SYNPR: variants seen among roughly 807,000 people sequenced by gnomAD.
SYNPR encodes the protein synaptoporin.
In SYNPR, 23 loss-of-function variants were observed where a neutral mutation model predicts 32.9. That is an observed-to-expected ratio of 0.70 (90% CI 0.50 to 0.99). SYNPR has a LOEUF of 0.99. SYNPR is among the 50% of genes least tolerant of loss of function. The pLI is 0.00. For missense variants in SYNPR, 318 were observed against 349.3 expected (o/e 0.91, Z 0.71); for synonymous variants, 146 against 135.9 (o/e 1.07, Z -0.52).
At chr3:63,245,930 GTATATTT>G (rs2086284299) in intron 1 of SYNPR, among the ~76,000 whole-genome samples, 1 of 151,932 alleles carries the variant, frequency 6.6e-6, no homozygotes. Context: ...TAATTATCCT[GTATATTT>G]CAGAAACACT....
At chr3:63,420,787 G>C (rs922933211) in intron 2 of SYNPR, among the ~76,000 whole-genome samples, 1 of 152,100 alleles carries the variant, frequency 6.6e-6, no homozygotes, top group Admixed American at 6.6e-5. Flanking sequence ...AATGGGCAAA[G>C]GAGTTGTATT....
intron 2 of SYNPR, among the ~76,000 whole-genome samples, chr3:63,454,297 C>T (rs926919974): frequency 1.3e-5 from 2 of 152,000 alleles, no homozygotes; most frequent in Admixed American, 1.3e-4. Context: ...TTGGAAATAA[C>T]TATGTTTACC....
chr3:63,264,926 T>TGGGGGG (rs34138232), intron 2 of SYNPR, among the ~76,000 whole-genome samples: 4 of 151,186 alleles, frequency 2.6e-5, no homozygotes, highest in African/African-American at 9.8e-5. Flanking sequence ...CTCAGAATCA[T>TGGGGGG]GGGGGAGCCA....
At chr3:63,470,508 T>C (rs554254394) in intron 2 of SYNPR, among the ~76,000 whole-genome samples, 5 of 152,338 alleles carry the variant, frequency 3.3e-5, no homozygotes, top group African/African-American at 1.2e-4. Flanking sequence ...ATTTAGCTCA[T>C]TGCATAAAGG....
the SYNPR span, among the ~76,000 whole-genome samples, chr3:63,201,112 A>T: frequency 1.3e-5 from 2 of 152,158 alleles, no homozygotes; most frequent in Admixed American, 1.3e-4. Context: ...TAAAAAAGAG[A>T]AATAAGGACT....
At chr3:63,506,085 C>T (rs1701581660) in intron 3 of SYNPR, among the ~76,000 whole-genome samples, 1 of 150,734 alleles carries the variant, frequency 6.6e-6, no homozygotes, top group Admixed American at 6.6e-5. Flanking sequence ...CTCCTCCCTT[C>T]CTTCCTTCCT....
chr3:63,249,640 C>T (rs1251269580), intron 1 of SYNPR, among the ~76,000 whole-genome samples: 1 of 152,040 alleles, frequency 6.6e-6, no homozygotes, highest in African/African-American at 2.4e-5. Flanking sequence ...TCACAGATCA[C>T]CTCTGAAGAA....
rs1018416763 is a variant in SYNPR at position 63,521,427 on chromosome 3, C to T, written c.210-35116C>T. 5.3e-5 allele frequency among the ~76,000 whole-genome samples: 8 copies of T among 152,190 alleles called. No individual in the cohort carries two copies. The East Asian group carries it at 5.8e-4, about 11-fold the overall frequency. On this transcript the variant is annotated intron_variant, in intron 3 of 5. Coordinates refer to ENST00000478300, the MANE Select transcript of SYNPR (RefSeq NM_001130003.2). Reference sequence around the variant, plus strand: ...AGAGCTTGTTAACATTTACTGAGTGCGTGCTGAGTACCAGGCACTGTTCTA... The same window carrying T: ...AGAGCTTGTTAACATTTACTGAGTGTGTGCTGAGTACCAGGCACTGTTCTA...
chr3:63,340,953 G>A (rs2087361487), intron 2 of SYNPR, among the ~76,000 whole-genome samples: 1 of 152,178 alleles, frequency 6.6e-6, no homozygotes, highest in African/African-American at 2.4e-5. Context: ...TTTGTCAAAT[G>A]CATGAGGTCG....
Position 63,599,608 on chromosome 3 carries a change from G to T in SYNPR, c.409-9517G>T, listed in dbSNP as rs148768447. On this transcript the variant is annotated intron_variant, in intron 4 of 5. Transcript: ENST00000478300. The stretch of plus-strand genomic sequence containing the variant: ...CACTCTATGATGTTCACACAATGAT[G>T]AAATCACCTTTTTTTCAGAACGTAT... 7.1e-3 allele frequency among the ~76,000 whole-genome samples: 1,088 copies of T among 152,250 alleles called. 4 individuals carry two copies. The highest frequency in any genetic ancestry group is 0.02 in the Middle Eastern group (6 of 294).
At chr3:63,271,908 T>TG (rs997933924) in intron 3 of SYNPR, among the ~76,000 whole-genome samples, 6 of 152,134 alleles carry the variant, frequency 3.9e-5, no homozygotes, top group Non-Finnish European at 7.4e-5. Context: ...CAAATATTCT[T>TG]GCTAACCTCC....
chr3:63,517,765 G>T (rs112291540), intron 3 of SYNPR, among the ~76,000 whole-genome samples: 5 of 152,156 alleles, frequency 3.3e-5, no homozygotes, highest in African/African-American at 1.2e-4. Context: ...TTATCTGAAT[G>T]AGGTCAGAAG....
chr3:63,221,803 C>T, the SYNPR span, among the ~76,000 whole-genome samples: 2 of 152,018 alleles, frequency 1.3e-5, no homozygotes, highest in African/African-American at 4.8e-5. Flanking sequence ...TTTTCTGAGC[C>T]TCAGTTTCCT....
At chr3:63,422,720 A>T (rs757598146) in intron 2 of SYNPR, among the ~76,000 whole-genome samples, 2 of 152,182 alleles carry the variant, frequency 1.3e-5, no homozygotes, top group Non-Finnish European at 2.9e-5. Context: ...GAGTGTATAA[A>T]CTACAGATGG....
chr3:63,595,746 TATATATATA>T (rs1699931675), intron 4 of SYNPR, among the ~76,000 whole-genome samples: 2 of 35,926 alleles, frequency 5.6e-5, no homozygotes, highest in East Asian at 1.5e-3. Flanking sequence ...TATATATATA[TATATATATA>T]TATATATATA....
intron 2 of SYNPR, among the ~76,000 whole-genome samples, chr3:63,404,467 A>G (rs1025161309): frequency 6.6e-6 from 1 of 152,208 alleles, no homozygotes; most frequent in East Asian, 1.9e-4. Flanking sequence ...AAGAAAATCA[A>G]TTATCAATTA....
chr3:63,297,807 A>C (rs1214770505), intron 2 of SYNPR, among the ~76,000 whole-genome samples: 2 of 152,132 alleles, frequency 1.3e-5, no homozygotes, highest in East Asian at 3.9e-4. Flanking sequence ...TCATGTGCTG[A>C]ATCTGTGTCT....
chr3:63,222,792 C>T, the SYNPR span, among the ~76,000 whole-genome samples: 1 of 152,176 alleles, frequency 6.6e-6, no homozygotes, highest in African/African-American at 2.4e-5. Context: ...ACTGGGATTA[C>T]AAGCATGAGC....
chr3:63,542,571 T>C (rs1311298263), intron 3 of SYNPR, among the ~76,000 whole-genome samples: 1 of 152,094 alleles, frequency 6.6e-6, no homozygotes, highest in African/African-American at 2.4e-5. Context: ...AGAAGTAAAA[T>C]GGTCAAAGAC....
Sources: gnomAD v4.1 joint callset for allele counts (sites outside exome capture counted in the v4.1 genomes callset) on GRCh38, gnomAD v4.1.1 for gene constraint, MANE v1.5 for transcripts, NCBI Gene and HGNC (gene_info 2026-07-23, HGNC 2026-07-21) for gene names.